Variants in PPP2R2B observed in about 807,000 individuals in gnomAD.
The protein encoded by PPP2R2B is protein phosphatase 2 regulatory subunit Bbeta.
A neutral mutation model predicts 46.0 loss-of-function variants in PPP2R2B; 5 were observed. The ratio of observed to expected loss-of-function variants is 0.11; its 90% CI spans 0.06 to 0.23. The LOEUF (loss-of-function observed/expected upper bound fraction) is 0.23, where lower values mean the gene tolerates loss of function less well. PPP2R2B is among the 10% of genes least tolerant of loss of function. PPP2R2B has a pLI of 1.00. For synonymous variants in PPP2R2B, 215 were observed against 206.7 expected (o/e 1.04, Z -0.34); for missense variants, 367 against 575.0 (o/e 0.64, Z 3.70).
intron 2 of PPP2R2B, among the ~76,000 whole-genome samples, chr5:146,798,680 A>G (rs1200675914): frequency 6.6e-6 from 1 of 152,230 alleles, no homozygotes; most frequent in Non-Finnish European, 1.5e-5. Flanking sequence ...ATATTGACTC[A>G]GCACTTAAGA....
chr5:147,001,558 A>G (rs1754178367), intron 1 of PPP2R2B, among the ~76,000 whole-genome samples: 1 of 152,050 alleles, frequency 6.6e-6, no homozygotes, highest in African/African-American at 2.4e-5. Context: ...GAACTGTAAC[A>G]CTCACTGTGA....
At chr5:146,823,207 C>CT (rs1390500787) in intron 2 of PPP2R2B, among the ~76,000 whole-genome samples, 2 of 151,608 alleles carry the variant, frequency 1.3e-5, no homozygotes, top group African/African-American at 4.8e-5. Context: ...TCTTCTTCTT[C>CT]TTTTTTTTGA....
chr5:146,647,338 T>C (rs1581785907), intron 6 of PPP2R2B, among the ~76,000 whole-genome samples: 1 of 151,334 alleles, frequency 6.6e-6, no homozygotes, highest in South Asian at 2.1e-4. Flanking sequence ...ATAAGGGGCA[T>C]TGTGGAAATG....
At chr5:147,077,780 C>T (rs138718253) in intron 2 of PPP2R2B, among the ~76,000 whole-genome samples, 1 of 152,080 alleles carries the variant, frequency 6.6e-6, no homozygotes, top group African/African-American at 2.4e-5. Context: ...GTGCACTTTC[C>T]AAACAAAATA....
At chr5:146,988,306 T>C (rs1295595458) in intron 1 of PPP2R2B, among the ~76,000 whole-genome samples, 2 of 151,966 alleles carry the variant, frequency 1.3e-5, no homozygotes, top group African/African-American at 2.4e-5. Context: ...TAAAAAGCTG[T>C]AGAATACACA....
chr5:146,801,853 A>G (rs148739044), intron 2 of PPP2R2B, among the ~76,000 whole-genome samples: 17 of 152,246 alleles, frequency 1.1e-4, no homozygotes, highest in Non-Finnish European at 2.5e-4. Context: ...TATAATTGCA[A>G]TAACAACTTC....
intron 5 of PPP2R2B, among the ~76,000 whole-genome samples, chr5:146,667,250 A>G (rs1777041956): frequency 6.6e-6 from 1 of 151,896 alleles, no homozygotes; most frequent in Non-Finnish European, 1.5e-5. Context: ...AAATTGTTAT[A>G]TGAAGTGGAT....
At chr5:146,839,254 C>G (rs777530986) in intron 2 of PPP2R2B, among the ~76,000 whole-genome samples, 4 of 152,200 alleles carry the variant, frequency 2.6e-5, no homozygotes, top group Non-Finnish European at 5.9e-5. Context: ...GGTGCAGTGG[C>G]TCCTACCTGT....
intron 2 of PPP2R2B, among the ~76,000 whole-genome samples, chr5:146,849,009 A>G (rs1478792878): frequency 1.3e-5 from 2 of 151,932 alleles, no homozygotes; most frequent in Admixed American, 6.6e-5. Context: ...TCCTTTTGAC[A>G]TACCTCCATC....
chr5:146,863,013 C>CGATAATCAG (rs965830213), intron 2 of PPP2R2B, among the ~76,000 whole-genome samples: 3 of 151,058 alleles, frequency 2.0e-5, no homozygotes, highest in African/African-American at 7.3e-5. Context: ...AAGTACAATA[C>CGATAATCAG]GATAATCAGA....
At chr5:146,845,014 ACTT>A (rs1448135237) in intron 2 of PPP2R2B, among the ~76,000 whole-genome samples, 1 of 152,160 alleles carries the variant, frequency 6.6e-6, no homozygotes, top group East Asian at 1.9e-4. Context: ...ACTTTTGGCC[ACTT>A]CTTCATCTCA....
At chr5:146,765,946 G>T (rs1244663927) in intron 2 of PPP2R2B, among the ~76,000 whole-genome samples, 1 of 152,134 alleles carries the variant, frequency 6.6e-6, no homozygotes, top group Non-Finnish European at 1.5e-5. Context: ...TGTTTAGACT[G>T]GTTGTTTTGG....
intron 2 of PPP2R2B, among the ~76,000 whole-genome samples, chr5:147,065,832 T>C (rs1437070730): frequency 2.0e-5 from 3 of 152,064 alleles, no homozygotes; most frequent in African/African-American, 4.8e-5. Context: ...ATTGCTACTA[T>C]TGACAAAAAT....
chr5:146,969,721 G>T, intron 1 of PPP2R2B, among the ~76,000 whole-genome samples: 1 of 152,186 alleles, frequency 6.6e-6, no homozygotes, highest in East Asian at 1.9e-4. Flanking sequence ...TGTGTTTTTT[G>T]GGGTGGAAGG....
At chr5:147,074,993 G>T (rs1448968706) in intron 2 of PPP2R2B, among the ~76,000 whole-genome samples, 1 of 152,160 alleles carries the variant, frequency 6.6e-6, no homozygotes, top group Non-Finnish European at 1.5e-5. Context: ...ACTGCAGAGT[G>T]AGGAACAAAC....
At chr5:146,735,091 G>A (rs1384914434) in intron 2 of PPP2R2B, among the ~76,000 whole-genome samples, 3 of 152,108 alleles carry the variant, frequency 2.0e-5, no homozygotes, top group African/African-American at 2.4e-5. Flanking sequence ...GCTAGGAACC[G>A]CGATCTTTTT....
At chr5:146,651,480 C>T (rs531612163) in intron 5 of PPP2R2B, among the ~76,000 whole-genome samples, 1 of 152,242 alleles carries the variant, frequency 6.6e-6, no homozygotes, top group East Asian at 1.9e-4. Flanking sequence ...TCTGGTGGAT[C>T]AGAGAATCGG....
chr5:147,078,889 T>C (rs987475382), intron 2 of PPP2R2B, among the ~76,000 whole-genome samples: 7 of 152,106 alleles, frequency 4.6e-5, no homozygotes, highest in African/African-American at 7.2e-5. Flanking sequence ...AGAGTCTCTA[T>C]TGTTTAAAAA....
At chr5:146,698,315 A>AT (rs1779314102) in intron 3 of PPP2R2B, among the ~76,000 whole-genome samples, 171 bp from the exon 4 acceptor site, 1 of 88,186 alleles carries the variant, frequency 1.1e-5, no homozygotes, top group African/African-American at 5.3e-5. Context: ...AAAAAAAAAA[A>AT]AAATATATAT....
Sources: gnomAD v4.1 joint callset for allele counts (sites outside exome capture counted in the v4.1 genomes callset) on GRCh38, gnomAD v4.1.1 for gene constraint, MANE v1.5 for transcripts, NCBI Gene and HGNC (gene_info 2026-07-23, HGNC 2026-07-21) for gene names.